Variants in TTC6 observed in about 807,000 individuals in gnomAD.
TTC6 encodes tetratricopeptide repeat protein 6.
Under a neutral mutation model 210.4 loss-of-function variants are expected in TTC6, and 172 were observed. The ratio of observed to expected loss-of-function variants is 0.82; its 90% confidence interval spans 0.72 to 0.93. The LOEUF (loss-of-function observed/expected upper bound fraction) is 0.93. Among genes scored for constraint, TTC6 ranks in the 40% least tolerant of loss-of-function variants. The probability of loss-of-function intolerance (pLI) is 0.00; values close to 1 mark genes in which losing one functional copy is unlikely to be tolerated. For synonymous variants in TTC6, 804 were observed against 819.6 expected, an observed-to-expected ratio of 0.98 and a Z score of 0.32; for missense variants, 2,414 against 2,318.1, an observed-to-expected ratio of 1.04 and a Z score of -0.85.
chr14:37,718,015 G>C (rs1194033529), intron 6 of TTC6, among the ~76,000 whole-genome samples: 1 of 152,156 alleles, frequency 6.6e-6, no homozygotes, highest in Non-Finnish European at 1.5e-5. Flanking sequence ...TACATCAGAT[G>C]CTAGTGCCTC....
intron 14 of TTC6, among the ~76,000 whole-genome samples, chr14:37,763,602 A>G (rs756579872): frequency 1.3e-5 from 2 of 152,116 alleles, no homozygotes; most frequent in Non-Finnish European, 2.9e-5. Context: ...AATTGTTCAT[A>G]GTATTCTTTT....
At chr14:37,636,050 A>T (rs2095680092) in intron 1 of TTC6, among the ~76,000 whole-genome samples, 1 of 151,968 alleles carries the variant, frequency 6.6e-6, no homozygotes, top group African/African-American at 2.4e-5. Flanking sequence ...ATAATATTGT[A>T]AAAGGATCAA....
chr14:37,632,216 G>T (rs756874000), intron 1 of TTC6, among the ~76,000 whole-genome samples: 31 of 152,182 alleles, frequency 2.0e-4, no homozygotes, highest in Non-Finnish European at 4.1e-4. Flanking sequence ...TGGAATTGCA[G>T]CCTTTTTGCA....
At chr14:37,596,099 G>A (rs1055896783) in intron 1 of TTC6, 91 bp downstream of exon 1, 1 of 151,842 alleles carries the variant, frequency 6.6e-6, no homozygotes, top group Non-Finnish European at 1.5e-5. Flanking sequence ...CATCTGTAGC[G>A]ACCACAAAGA....
chr14:37,833,696 C>G (rs1318281442), intron 29 of TTC6, among the ~76,000 whole-genome samples: 1 of 151,812 alleles, frequency 6.6e-6, no homozygotes, highest in Non-Finnish European at 1.5e-5. Flanking sequence ...TATTGCTTAT[C>G]TTTGATAATA....
exon 1 of TTC6, chr14:37,622,269 G>GTTT: frequency 6.5e-7 from 1 of 1,535,012 alleles, no homozygotes; most frequent in Non-Finnish European, 8.7e-7. Context: ...TTCCTGCGCC[G>GTTT]CAGCCCGGAC....
intron 2 of TTC6, 26 bp downstream of exon 2, chr14:37,606,768 T>C: frequency 1.0e-6 from 1 of 985,270 alleles, no homozygotes; most frequent in Non-Finnish European, 1.2e-6. Flanking sequence ...TTCTTTCCAG[T>C]TCATCCTCAT....
chr14:37,718,797 G>A (rs2095856794), intron 6 of TTC6, among the ~76,000 whole-genome samples: 1 of 152,076 alleles, frequency 6.6e-6, no homozygotes, highest in Non-Finnish European at 1.5e-5. Flanking sequence ...GCATGGTGGT[G>A]TGTGTCTGTA....
intron 13 of TTC6, 75 bp downstream of exon 15, chr14:37,751,300 G>A: frequency 9.4e-7 from 1 of 1,066,390 alleles, no homozygotes; most frequent in South Asian, 2.8e-5. Context: ...AGTACAGCAA[G>A]TTTTTGAAGG....
Position 37,796,450 on chromosome 14 carries a change from G to A in TTC6, c.3868+80G>A, listed in dbSNP as rs368129807. The A allele has an allele frequency of 4.4e-4, 264 of 597,314 alleles. 3 individuals are homozygous for A. The South Asian group carries it at 6.4e-3, about 15-fold the overall frequency. 37.0% of individuals were successfully genotyped at this position (597,314 alleles called of 1,614,324 possible). On this transcript the variant is annotated intron_variant, in intron 19 of 30. Transcript: ENST00000553443. Reference sequence around the variant, plus strand: ...ATTTTGCAATAGTTATGTATAAATAGCATGAAGGATCCAATTGAAAGTCAA... The same window carrying A: ...ATTTTGCAATAGTTATGTATAAATAACATGAAGGATCCAATTGAAAGTCAA...
chr14:37,789,067 C>T (rs1432546367), intron 15 of TTC6, among the ~76,000 whole-genome samples: 1 of 152,124 alleles, frequency 6.6e-6, no homozygotes, highest in African/African-American at 2.4e-5. Context: ...AGCCTCCATC[C>T]TTTCCTACCA....
chr14:37,706,635 A>G (rs1414108129), intron 5 of TTC6, among the ~76,000 whole-genome samples: 1 of 152,098 alleles, frequency 6.6e-6, no homozygotes, highest in East Asian at 1.9e-4. Flanking sequence ...AGAATTTTGT[A>G]TTCTGAAAGG....
intron 1 of TTC6, among the ~76,000 whole-genome samples, chr14:37,602,643 C>A (rs1397843160): frequency 2.0e-5 from 3 of 152,122 alleles, no homozygotes; most frequent in Non-Finnish European, 4.4e-5. Flanking sequence ...ACTGAACCCA[C>A]GGTTCAGCCG....
Position 37,644,268 on chromosome 14 carries a change from A to G in TTC6, c.939+21265A>G, listed in dbSNP as rs570933901. On this transcript the variant is annotated intron_variant, in intron 1 of 30. Coordinates refer to ENST00000553443, the Ensembl canonical transcript of TTC6. ...TCTGTCTTGTAAAAAAAGGTCTTAT[A>G]AAAAGGTAATGCAATACCAATGTGG... Among the ~76,000 whole-genome samples the G allele has an allele frequency of 1.2e-4, 19 of 152,264 alleles. No homozygotes were observed. The South Asian group carries it at 3.9e-3, about 32-fold the overall frequency.
At chr14:37,672,785 A>G (rs960081569) in intron 1 of TTC6, among the ~76,000 whole-genome samples, 7 of 148,700 alleles carry the variant, frequency 4.7e-5, no homozygotes, top group African/African-American at 1.3e-4. Flanking sequence ...TCTATTTTTG[A>G]TGACTTGATT....
intron 14 of TTC6, among the ~76,000 whole-genome samples, chr14:37,787,064 C>G (rs2096069438): frequency 6.6e-6 from 1 of 152,132 alleles, no homozygotes; most frequent in Non-Finnish European, 1.5e-5. Context: ...AAAACTTCTA[C>G]TCACTAGGGC....
intron 1 of TTC6, among the ~76,000 whole-genome samples, chr14:37,662,005 G>A (rs2095738485): frequency 6.6e-6 from 1 of 152,024 alleles, no homozygotes; most frequent in Non-Finnish European, 1.5e-5. Context: ...AGCAATTTTT[G>A]CGCACTGATT....
At chr14:37,735,961 A>G in exon 8 of TTC6, 3 of 1,534,642 alleles carry the variant, frequency 2.0e-6, no homozygotes, top group Non-Finnish European at 2.6e-6. Flanking sequence ...AAATTGTCAT[A>G]TAAAAGCAGT....
intron 2 of TTC6, among the ~76,000 whole-genome samples, chr14:37,613,765 C>A (rs2095638316): frequency 6.6e-6 from 1 of 151,242 alleles, no homozygotes; most frequent in Non-Finnish European, 1.5e-5. Flanking sequence ...TGTTGTTTAT[C>A]ACATTTTTAA....
Sources: gnomAD v4.1 joint callset for allele counts (sites outside exome capture counted in the v4.1 genomes callset) on GRCh38, gnomAD v4.1.1 for gene constraint, MANE v1.5 for transcripts, NCBI Gene and HGNC (gene_info 2026-07-23, HGNC 2026-07-21) for gene names.